Variants in CEMIP2 observed in about 807,000 individuals in gnomAD.
CEMIP2 encodes the protein cell migration inducing hyaluronidase 2.
A neutral mutation model predicts 146.9 loss-of-function variants in CEMIP2; 79 were observed. The ratio of observed to expected loss-of-function variants is 0.54; its 90% CI spans 0.45 to 0.65. CEMIP2 has a LOEUF of 0.65. Among genes scored for constraint, CEMIP2 ranks in the 30% least tolerant of loss-of-function variants. The probability of loss-of-function intolerance (pLI) is 0.00; values close to 1 mark genes in which losing one functional copy is unlikely to be tolerated. For synonymous variants in CEMIP2, 601 were observed against 606.3 expected, an observed-to-expected ratio of 0.99 and a Z score of 0.13; for missense variants, 1,596 against 1,696.2, an observed-to-expected ratio of 0.94 and a Z score of 1.04.
chr9:71,765,627 C>T (rs1326385117), intron 1 of CEMIP2, among the ~76,000 whole-genome samples: 2 of 152,084 alleles, frequency 1.3e-5, no homozygotes, highest in Non-Finnish European at 2.9e-5. Flanking sequence ...CAAAATTGCT[C>T]CCCCACCCCC....
intron 10 of CEMIP2, among the ~76,000 whole-genome samples, chr9:71,726,240 A>G (rs62547012): frequency 0.07 from 10,709 of 152,258 alleles, 544 homozygotes; most frequent in South Asian, 0.19. Context: ...GAATCAGGAT[A>G]CTGTCTCAGG....
At chr9:71,690,998 A>G (rs913307312) in intron 21 of CEMIP2, among the ~76,000 whole-genome samples, 4 of 152,232 alleles carry the variant, frequency 2.6e-5, no homozygotes, top group Non-Finnish European at 5.9e-5. Context: ...GTTCCTGTTT[A>G]TAAGGTGTAA....
At chr9:71,714,107 A>G (rs1398551584) in intron 15 of CEMIP2, among the ~76,000 whole-genome samples, 2 of 152,212 alleles carry the variant, frequency 1.3e-5, no homozygotes, top group South Asian at 2.1e-4. Context: ...CCCCAAAGCT[A>G]CAGTCTGTAT....
intron 1 of CEMIP2, among the ~76,000 whole-genome samples, chr9:71,764,783 C>T (rs1209902993): frequency 2.0e-5 from 3 of 151,668 alleles, no homozygotes; most frequent in African/African-American, 2.4e-5. Flanking sequence ...CTAACAGATT[C>T]GCCTAGACAG....
chr9:71,709,459 A>C lies in CEMIP2; in HGVS notation c.2785T>G (p.Phe929Val). Reference sequence around the variant, plus strand: ...AACCAGGGACCAGGCTTTCCAAAAAAGACATTCAGAGAGACCTGACCACAG... The same window carrying C: ...AACCAGGGACCAGGCTTTCCAAAAACGACATTCAGAGAGACCTGACCACAG... ...KFGPHVSLNV[F>V]FGKPGPWFED... The change falls in exon 17 of 24, where the codon TTT becomes GTT. Residue 929 changes from phenylalanine to valine, a missense_variant. By Grantham distance (50) the Phe-to-Val change is conservative. Transcript: ENST00000377044. 6.2e-7 allele frequency: 1 copy of C among 1,614,182 alleles called. No individual in the cohort carries two copies. Among genetic ancestry groups the C allele is most frequent in the East Asian group, 2.2e-5 (1 of 44,882 alleles).
intron 7 of CEMIP2, among the ~76,000 whole-genome samples, chr9:71,731,655 C>G (rs1337698325): frequency 6.6e-6 from 1 of 151,372 alleles, no homozygotes; most frequent in African/African-American, 2.4e-5. Flanking sequence ...TCACTTGATC[C>G]CAGGATATTG....
At position 71,694,348 on chromosome 9, in the gene CEMIP2, G is replaced by C. The variant is rs559650562; in HGVS notation, c.3696+161C>G. Among the ~76,000 whole-genome samples the C allele has an allele frequency of 2.2e-4, 34 of 152,076 alleles. No homozygotes were observed. In the South Asian group the frequency reaches 6.9e-3, roughly 31 times the overall value. ...TCACCATGTTAGCCAGGATGGTCTC[G>C]ATCTAACCTTATGATCTGCCCACCT... On this transcript the variant is annotated intron_variant, in intron 21 of 23. Transcript: ENST00000377044.
At chr9:71,743,704 T>G (rs1305442677) in intron 4 of CEMIP2, among the ~76,000 whole-genome samples, 2 of 152,230 alleles carry the variant, frequency 1.3e-5, no homozygotes, top group East Asian at 3.9e-4. Context: ...CCATGGGCTC[T>G]GAGACAGTGT....
At chr9:71,699,608 C>G (rs931686544) in intron 19 of CEMIP2, among the ~76,000 whole-genome samples, 1 of 152,126 alleles carries the variant, frequency 6.6e-6, no homozygotes, top group African/African-American at 2.4e-5. Context: ...AGGCACTTAA[C>G]AACTGAGCCC....
chr9:71,712,075 A>C lies in CEMIP2; in HGVS notation c.2769+8T>G, dbSNP rs760370032. The C allele has an allele frequency of 5.6e-6, 9 of 1,613,132 alleles. No homozygotes were observed. The Admixed American group carries it at 1.5e-4, about 27-fold the overall frequency. ...AGTCACTACGTAAGAACTACAGAAC[A>C]TACTTACATGTGGACCAAACTTCAC... On this transcript the variant is annotated splice_region_variant and intron_variant, in intron 16 of 23. Transcript: ENST00000377044.
At chr9:71,735,785 A>G (rs1157850723) in intron 5 of CEMIP2, among the ~76,000 whole-genome samples, 1 of 152,128 alleles carries the variant, frequency 6.6e-6, no homozygotes, top group East Asian at 1.9e-4. Flanking sequence ...CCTGTCTCAA[A>G]AATAATACAT....
intron 10 of CEMIP2, among the ~76,000 whole-genome samples, chr9:71,726,258 C>T (rs1292695585): frequency 6.6e-6 from 1 of 152,144 alleles, no homozygotes; most frequent in Non-Finnish European, 1.5e-5. Context: ...AGGCTGGGCC[C>T]TGTCTGTTCA....
chr9:71,754,178 G>A (rs571332583), intron 1 of CEMIP2, among the ~76,000 whole-genome samples: 5 of 152,118 alleles, frequency 3.3e-5, no homozygotes, highest in East Asian at 3.9e-4. Context: ...AAACCTGCAC[G>A]TTGTACACAT....
Position 71,730,155 on chromosome 9 carries a change from G to A in CEMIP2, c.1872C>T (p.Leu624=). The A allele has an allele frequency of 1.2e-6, 2 of 1,614,176 alleles. No individual in the cohort carries two copies. Among genetic ancestry groups the A allele is most frequent in the South Asian group, 1.1e-5 (1 of 91,080 alleles). The change falls in exon 9 of 24, where the codon CTC becomes CTT. Residue 624 remains leucine, a synonymous_variant. Coordinates refer to ENST00000377044, the MANE Select transcript of CEMIP2 (RefSeq NM_013390.3). ...RNTLFHNLGL[L]TKPGTLLPTD... ...TGGGCAGGAGAGTACCCGGCTTGGT[G>A]AGGAGTCCCAGATTGTGGAACAAAG...
At chr9:71,761,446 C>CTA (rs1052975543) in intron 1 of CEMIP2, among the ~76,000 whole-genome samples, 80 of 152,226 alleles carry the variant, frequency 5.3e-4, no homozygotes, top group African/African-American at 1.9e-3. Context: ...GCCTTTCACA[C>CTA]TAGAAATATT....
At chr9:71,698,371 A>G in intron 19 of CEMIP2, 167 bp from the exon 20 acceptor site, 1 of 616,790 alleles carries the variant, frequency 1.6e-6, no homozygotes, top group Non-Finnish European at 2.8e-6. Context: ...CTATCCTTCA[A>G]GGGTCCTAAG....
At chr9:71,732,253 T>G in intron 7 of CEMIP2, 98 bp downstream of exon 7, 1 of 1,240,614 alleles carries the variant, frequency 8.1e-7, no homozygotes, top group Non-Finnish European at 1.1e-6. Context: ...GATTTGCTTT[T>G]AATATCCATT....
chr9:71,718,315 A>G (rs938667407), intron 12 of CEMIP2, among the ~76,000 whole-genome samples: 1 of 152,218 alleles, frequency 6.6e-6, no homozygotes, highest in Non-Finnish European at 1.5e-5. Context: ...TGAAAAATCA[A>G]TTAAAATGGA....
intron 23 of CEMIP2, 53 bp from the exon 24 acceptor site, chr9:71,685,446 A>ATTCCAG: frequency 7.1e-7 from 1 of 1,413,858 alleles, no homozygotes; most frequent in Non-Finnish European, 9.2e-7. Context: ...TTATAGCTAC[A>ATTCCAG]TTCCAGCAAG....
Sources: allele counts gnomAD v4.1 joint callset (sites outside exome capture counted in the v4.1 genomes callset), GRCh38; gene constraint gnomAD v4.1.1; transcripts MANE v1.5; gene names NCBI Gene and HGNC (gene_info 2026-07-23, HGNC 2026-07-21).